THRB: variants seen among roughly 807,000 people sequenced by gnomAD.
The protein encoded by THRB is thyroid hormone receptor beta.
Under a neutral mutation model 47.8 loss-of-function variants are expected in THRB, and 12 were observed. The observed-to-expected ratio is 0.25, with a 90% CI of 0.16 to 0.41. The LOEUF (loss-of-function observed/expected upper bound fraction) is 0.41, where lower values mean the gene tolerates loss of function less well. Ranked by LOEUF, THRB falls within the 10% of genes least tolerant of loss-of-function variation. The pLI, the probability that THRB is intolerant of heterozygous loss-of-function variation, is 1.00. For synonymous variants in THRB, 218 were observed against 212.2 expected (o/e 1.03, Z -0.24); for missense variants, 348 against 589.2 (o/e 0.59, Z 4.24).
At chr3:24,440,648 CATTCTAGGTAT>C (rs1298962376) in intron 1 of THRB, among the ~76,000 whole-genome samples, 1 of 152,020 alleles carries the variant, frequency 6.6e-6, no homozygotes, top group Non-Finnish European at 1.5e-5. Context: ...ACTCAGAGGT[CATTCTAGGTAT>C]ATTCTAGGTA....
In THRB at chr3:24,373,514, T is replaced by C. The variant is rs187791126; in HGVS notation, c.-260-36143A>G. Among the ~76,000 whole-genome samples, 409 of 152,222 alleles carry C rather than the reference T, an allele frequency of 2.7e-3. 3 individuals carry two copies. Among genetic ancestry groups the C allele is most frequent in the Non-Finnish European group, 4.4e-3 (296 of 68,002 alleles). ...AACAAGTTCACAAAGGTAACTACTC[T>C]TCCCACACTTGCTGGCATGACACTA... On this transcript the variant is annotated intron_variant, in intron 1 of 10. Coordinates refer to ENST00000646209, the MANE Select transcript of THRB (RefSeq NM_001354712.2).
At chr3:24,415,065 C>G (rs2068630107) in intron 1 of THRB, among the ~76,000 whole-genome samples, 1 of 151,786 alleles carries the variant, frequency 6.6e-6, no homozygotes, top group African/African-American at 2.4e-5. Flanking sequence ...AAAATGTATA[C>G]TGAAGAAACT....
chr3:24,255,491 C>A (rs2051166756), intron 3 of THRB, among the ~76,000 whole-genome samples: 1 of 152,160 alleles, frequency 6.6e-6, no homozygotes, highest in Non-Finnish European at 1.5e-5. Flanking sequence ...AGCTATGTGT[C>A]ATTTTCCTTT....
intron 4 of THRB, among the ~76,000 whole-genome samples, chr3:24,204,996 G>C (rs1416829708): frequency 1.3e-5 from 2 of 152,178 alleles, no homozygotes; most frequent in East Asian, 3.8e-4. Flanking sequence ...GGAAATATGG[G>C]ACTATATGAA....
intron 1 of THRB, among the ~76,000 whole-genome samples, chr3:24,380,146 C>T (rs796940382): frequency 6.8e-6 from 1 of 147,372 alleles, no homozygotes; most frequent in Admixed American, 6.9e-5. Flanking sequence ...ATTGTCCTGG[C>T]ACACTAGATG....
intron 1 of THRB, among the ~76,000 whole-genome samples, chr3:24,431,407 CT>C (rs1410783138): frequency 3.3e-5 from 5 of 152,024 alleles, no homozygotes; most frequent in Admixed American, 3.3e-4. Flanking sequence ...GATGTCGAAC[CT>C]CATTAGAAAT....
At chr3:24,368,846 T>C (rs1206948438) in intron 1 of THRB, among the ~76,000 whole-genome samples, 1 of 152,204 alleles carries the variant, frequency 6.6e-6, no homozygotes, top group Non-Finnish European at 1.5e-5. Flanking sequence ...CAAGATTTAC[T>C]CAGCATTGTA....
At chr3:24,252,435 C>G (rs181073648) in intron 3 of THRB, among the ~76,000 whole-genome samples, 1 of 152,102 alleles carries the variant, frequency 6.6e-6, no homozygotes, top group Admixed American at 6.6e-5. Context: ...GAATCTATAA[C>G]TCATACCTTA....
At chr3:24,163,180 G>C (rs2039134627) in intron 5 of THRB, among the ~76,000 whole-genome samples, 1 of 152,172 alleles carries the variant, frequency 6.6e-6, no homozygotes. Context: ...ACAGTTAACA[G>C]CTGGGTTTAG....
intron 3 of THRB, among the ~76,000 whole-genome samples, chr3:24,288,050 A>AT (rs2150941754): frequency 6.6e-6 from 1 of 152,352 alleles, no homozygotes; most frequent in Admixed American, 6.5e-5. Context: ...TTAACACATC[A>AT]TGATACCAGT....
At chr3:24,313,056 G>A (rs1013760271) in intron 2 of THRB, among the ~76,000 whole-genome samples, 2 of 152,126 alleles carry the variant, frequency 1.3e-5, no homozygotes, top group Non-Finnish European at 2.9e-5. Context: ...GGATTTGGGG[G>A]TGAGGGAAAG....
At chr3:24,343,676 T>C (rs1302111515) in intron 1 of THRB, among the ~76,000 whole-genome samples, 1 of 152,004 alleles carries the variant, frequency 6.6e-6, no homozygotes, top group Non-Finnish European at 1.5e-5. Flanking sequence ...TTGCAATCTT[T>C]CTTTACTACT....
intron 1 of THRB, among the ~76,000 whole-genome samples, chr3:24,375,551 A>T (rs2065223652): frequency 6.8e-6 from 1 of 148,102 alleles, no homozygotes; most frequent in Non-Finnish European, 1.5e-5. Context: ...ATATAATATT[A>T]ATAAATATTA....
chr3:24,290,236 G>C (rs1425227610), intron 3 of THRB, among the ~76,000 whole-genome samples: 1 of 152,116 alleles, frequency 6.6e-6, no homozygotes, highest in African/African-American at 2.4e-5. Context: ...GTGGGGTTGG[G>C]GGGATAAATC....
intron 1 of THRB, among the ~76,000 whole-genome samples, chr3:24,488,537 T>C (rs548164215): frequency 5.3e-5 from 8 of 151,748 alleles, no homozygotes; most frequent in East Asian, 1.9e-4. Flanking sequence ...CTGTGATGAG[T>C]TGGACCATGA....
chr3:24,372,768 C>A (rs2065008457), intron 1 of THRB, among the ~76,000 whole-genome samples: 1 of 152,088 alleles, frequency 6.6e-6, no homozygotes, highest in East Asian at 1.9e-4. Context: ...CAATGTCACA[C>A]AGTACATAGA....
In THRB at chr3:24,229,009, G is replaced by GA. The variant is rs3836253; in HGVS notation, c.-42-9dup. On this transcript the variant is annotated splice_polypyrimidine_tract_variant and intron_variant, in intron 3 of 10. Transcript: ENST00000646209. The stretch of plus-strand genomic sequence containing the variant: ...TTTTTTCACTGACATCTCCTACAAG[G>GA]AAAAAATACAAAAAAAATCACAGAT... 409,913 of 1,477,006 alleles carry GA rather than the reference G, an allele frequency of 0.28. 65,909 individuals carry two copies. The highest frequency in any genetic ancestry group is 0.57 in the African/African-American group (40,719 of 71,592). The allele number at this position is 1,477,006 out of a possible 1,614,324, so 91.5% of individuals were successfully genotyped here.
intron 3 of THRB, among the ~76,000 whole-genome samples, chr3:24,296,599 G>A (rs1408533590): frequency 1.3e-5 from 2 of 152,174 alleles, no homozygotes; most frequent in African/African-American, 4.8e-5. Flanking sequence ...AACACACTGT[G>A]ACACATCCTA....
intron 3 of THRB, among the ~76,000 whole-genome samples, chr3:24,233,349 C>G (rs569486209): frequency 9.9e-5 from 15 of 151,914 alleles, no homozygotes; most frequent in African/African-American, 3.6e-4. Context: ...TAGCTGGGCA[C>G]AGTGGCATGC....
Sources: gnomAD v4.1 joint callset for allele counts (sites outside exome capture counted in the v4.1 genomes callset) on GRCh38, gnomAD v4.1.1 for gene constraint, MANE v1.5 for transcripts, NCBI Gene and HGNC (gene_info 2026-07-23, HGNC 2026-07-21) for gene names.